Variants in SLC35F3 observed in about 807,000 individuals in gnomAD.
SLC35F3 encodes the protein solute carrier family 35 member F3.
SLC35F3 carries 25 observed loss-of-function variants against 49.9 expected under a neutral mutation model. That is an observed-to-expected ratio of 0.50 (90% confidence interval 0.37 to 0.70). The LOEUF (loss-of-function observed/expected upper bound fraction) is 0.70, where lower values mean the gene tolerates loss of function less well. Ranked by LOEUF, SLC35F3 falls within the 30% of genes least tolerant of loss-of-function variation. The pLI is 0.00. For synonymous variants in SLC35F3, 275 were observed against 265.4 expected (o/e 1.04, Z -0.35); for missense variants, 525 against 639.8 (o/e 0.82, Z 1.94).
intron 2 of SLC35F3, among the ~76,000 whole-genome samples, chr1:233,940,660 T>C (rs1662406027): frequency 6.6e-6 from 1 of 152,214 alleles, no homozygotes; most frequent in Admixed American, 6.5e-5. Context: ...AAATAAGATA[T>C]ATTTCCTTGT....
chr1:234,030,104 A>C (rs1323051246), intron 2 of SLC35F3, among the ~76,000 whole-genome samples: 1 of 152,226 alleles, frequency 6.6e-6, no homozygotes, highest in Non-Finnish European at 1.5e-5. Context: ...ATTCTTCTGA[A>C]ATATGATTCA....
chr1:234,205,438 G>T (rs1282482795), intron 2 of SLC35F3, among the ~76,000 whole-genome samples: 1 of 152,212 alleles, frequency 6.6e-6, no homozygotes, highest in Non-Finnish European at 1.5e-5. Context: ...TCCAGCCTGG[G>T]CAACAGAGTG....
chr1:234,069,200 ATATT>A (rs1345437405), intron 2 of SLC35F3, among the ~76,000 whole-genome samples: 1 of 141,048 alleles, frequency 7.1e-6, no homozygotes, highest in African/African-American at 2.6e-5. Context: ...ATATAAATAC[ATATT>A]TATATATTAT....
In SLC35F3 at chr1:233,989,351, T is replaced by C. The variant is rs142306806; in HGVS notation, c.283+83593T>C. ...GTTTCATAATGAAATTTTCTGTTTGTATTATAGCAAAATCCTCAGAAATGT... is the reference window on the plus strand; with the variant it reads ...GTTTCATAATGAAATTTTCTGTTTGCATTATAGCAAAATCCTCAGAAATGT... On this transcript the variant is annotated intron_variant, in intron 2 of 7. Transcript: ENST00000366618. Among the ~76,000 whole-genome samples, 363 of 152,370 alleles carry C rather than the reference T, an allele frequency of 2.4e-3. 1 individual carries two copies. Among genetic ancestry groups the C allele is most frequent in the African/African-American group, 8.3e-3 (345 of 41,586 alleles).
intron 2 of SLC35F3, among the ~76,000 whole-genome samples, chr1:233,969,384 G>T (rs888447667): frequency 6.6e-6 from 1 of 152,176 alleles, no homozygotes; most frequent in African/African-American, 2.4e-5. Flanking sequence ...TGCAGCTCTG[G>T]GGGCTGCCAT....
intron 2 of SLC35F3, among the ~76,000 whole-genome samples, chr1:234,191,030 G>C (rs1666723057): frequency 6.6e-6 from 1 of 152,178 alleles, no homozygotes; most frequent in Non-Finnish European, 1.5e-5. Flanking sequence ...TTATATATTA[G>C]GTAACAAGAG....
intron 2 of SLC35F3, among the ~76,000 whole-genome samples, chr1:234,001,683 G>T (rs568699506): frequency 3.9e-5 from 6 of 152,042 alleles, no homozygotes; most frequent in Non-Finnish European, 1.5e-5. Context: ...TTATTTACAG[G>T]TTCTGCAGTT....
intron 2 of SLC35F3, among the ~76,000 whole-genome samples, chr1:234,146,896 T>C (rs979499856): frequency 1.3e-5 from 2 of 152,202 alleles, no homozygotes; most frequent in African/African-American, 4.8e-5. Context: ...TGTGTTTTGG[T>C]GTCTTAGTGT....
chr1:234,283,665 T>A (rs1305204577), intron 3 of SLC35F3, among the ~76,000 whole-genome samples: 4 of 152,170 alleles, frequency 2.6e-5, no homozygotes, highest in Admixed American at 6.5e-5. Context: ...GAATCCCCCA[T>A]AACAGAGAAT....
chr1:234,226,417 A>G (rs1667285885), intron 2 of SLC35F3, among the ~76,000 whole-genome samples: 1 of 151,126 alleles, frequency 6.6e-6, no homozygotes, highest in Admixed American at 6.6e-5. Context: ...ACAAGGGTCC[A>G]CTTATTCTCG....
At chr1:233,910,883 G>A (rs79505458) in intron 2 of SLC35F3, among the ~76,000 whole-genome samples, 3,065 of 152,254 alleles carry the variant, frequency 0.02, 49 homozygotes, top group Middle Eastern at 0.034. Flanking sequence ...TTGTAGAATG[G>A]AGAGAGGGTC....
chr1:234,165,736 G>T lies in SLC35F3; in HGVS notation c.284-65681G>T, dbSNP rs74886744. Among the ~76,000 whole-genome samples, 1,163 of 152,122 alleles carry T rather than the reference G, an allele frequency of 7.6e-3. 21 individuals are homozygous for T. The highest frequency in any genetic ancestry group is 0.025 in the African/African-American group (1,051 of 41,484). On this transcript the variant is annotated intron_variant, in intron 2 of 7. Coordinates refer to ENST00000366618, the MANE Select transcript of SLC35F3 (RefSeq NM_173508.4). ...TTTTTTTATTTCAATAGCTTTAGGGGTACAAGTGCTTTTAGGTTACATGGA... is the reference window on the plus strand; with the variant it reads ...TTTTTTTATTTCAATAGCTTTAGGGTTACAAGTGCTTTTAGGTTACATGGA...
chr1:234,177,800 A>C (rs1423491822), intron 2 of SLC35F3, among the ~76,000 whole-genome samples: 1 of 152,224 alleles, frequency 6.6e-6, no homozygotes, highest in Non-Finnish European at 1.5e-5. Flanking sequence ...GTGGTCTTAT[A>C]TTGGAACATA....
intron 2 of SLC35F3, among the ~76,000 whole-genome samples, chr1:234,129,623 A>G (rs1665703114): frequency 6.6e-6 from 1 of 152,224 alleles, no homozygotes; most frequent in Non-Finnish European, 1.5e-5. Context: ...AAGAACTCAG[A>G]CTAGCCAAGA....
chr1:234,207,846 A>G (rs1666996719), intron 2 of SLC35F3, among the ~76,000 whole-genome samples: 1 of 152,064 alleles, frequency 6.6e-6, no homozygotes, highest in Non-Finnish European at 1.5e-5. Flanking sequence ...TACAAAAGAA[A>G]TAATTTTTAA....
intron 2 of SLC35F3, among the ~76,000 whole-genome samples, chr1:234,062,676 G>T: frequency 6.6e-6 from 1 of 151,538 alleles, no homozygotes; most frequent in East Asian, 1.9e-4. Context: ...TCATCCATGA[G>T]CAAAATCTTT....
At chr1:233,972,074 A>T (rs538821996) in intron 2 of SLC35F3, among the ~76,000 whole-genome samples, 45 of 152,258 alleles carry the variant, frequency 3.0e-4, no homozygotes, top group Non-Finnish European at 5.0e-4. Context: ...CTCGGGTAAC[A>T]GTATTTGAAA....
intron 2 of SLC35F3, among the ~76,000 whole-genome samples, chr1:234,122,333 T>TGTCTTCC (rs1665588686): frequency 6.6e-6 from 1 of 152,346 alleles, no homozygotes; most frequent in East Asian, 1.9e-4. Flanking sequence ...TTTAAATCTG[T>TGTCTTCC]GTCTTCCACA....
At chr1:234,099,296 C>T (rs1220173662) in intron 2 of SLC35F3, among the ~76,000 whole-genome samples, 1 of 152,024 alleles carries the variant, frequency 6.6e-6, no homozygotes, top group Non-Finnish European at 1.5e-5. Flanking sequence ...CTTCTTGAGA[C>T]AAACTTTTAG....
Sources: allele counts gnomAD v4.1 joint callset (sites outside exome capture counted in the v4.1 genomes callset), GRCh38; gene constraint gnomAD v4.1.1; transcripts MANE v1.5; gene names NCBI Gene and HGNC (gene_info 2026-07-23, HGNC 2026-07-21).